Variants in AQR observed in about 807,000 individuals in gnomAD.
The protein encoded by AQR is aquarius intron-binding spliceosomal factor, also known as RNA helicase aquarius.
In AQR, 61 loss-of-function variants were observed where a neutral mutation model predicts 180.5. The ratio of observed to expected loss-of-function variants is 0.34; its 90% confidence interval spans 0.28 to 0.42. AQR has a LOEUF of 0.42. Ranked by LOEUF, AQR falls within the 10% of genes least tolerant of loss-of-function variation. The pLI is 1.00. For synonymous variants in AQR, 551 were observed against 588.8 expected, an observed-to-expected ratio of 0.94 and a Z score of 0.93; for missense variants, 1,281 against 1,798.3, an observed-to-expected ratio of 0.71 and a Z score of 5.20.
Position 34,856,713 on chromosome 15 carries a change from A to G in AQR, c.*79T>C, listed in dbSNP as rs997741313. On this transcript the variant is annotated 3_prime_UTR_variant, in exon 35 of 35. Transcript: ENST00000156471. ...TAATTAGTGACAGTAAAATGGCAGAAGCAAATATAAAATACAAAAAACAGC... is the reference window on the plus strand; with the variant it reads ...TAATTAGTGACAGTAAAATGGCAGAGGCAAATATAAAATACAAAAAACAGC... 1.6e-6 allele frequency: 2 copies of G among 1,237,858 alleles called. No homozygotes were observed. Among genetic ancestry groups the G allele is most frequent in the Non-Finnish European group, 1.1e-6 (1 of 918,008 alleles). The allele number at this position is 1,237,858 out of a possible 1,614,324, so 76.7% of individuals were successfully genotyped here.
intron 1 of AQR, among the ~76,000 whole-genome samples, chr15:34,966,555 T>C (rs1223257296): frequency 6.6e-6 from 1 of 152,232 alleles, no homozygotes; most frequent in East Asian, 1.9e-4. Flanking sequence ...TACAGTGAGT[T>C]CTTTAAGTCT....
chr15:34,917,994 C>CA (rs1169997577), intron 15 of AQR, among the ~76,000 whole-genome samples: 1 of 151,098 alleles, frequency 6.6e-6, no homozygotes, highest in Non-Finnish European at 1.5e-5. Context: ...CACTAACAAA[C>CA]AAAAAAAACC....
intron 23 of AQR, among the ~76,000 whole-genome samples, chr15:34,892,273 T>C (rs1373188490): frequency 6.6e-6 from 1 of 152,194 alleles, no homozygotes; most frequent in Non-Finnish European, 1.5e-5. Context: ...TCCCTTCATG[T>C]AATACAGGTG....
At chr15:34,932,684 G>A (rs1370347060) in intron 10 of AQR, among the ~76,000 whole-genome samples, 2 of 152,204 alleles carry the variant, frequency 1.3e-5, no homozygotes, top group Non-Finnish European at 2.9e-5. Flanking sequence ...TAAAGGCCGG[G>A]CGCGGTGGCT....
At chr15:34,946,587 T>A (rs1595806983) in intron 5 of AQR, among the ~76,000 whole-genome samples, 1 of 128,838 alleles carries the variant, frequency 7.8e-6, no homozygotes. Flanking sequence ...GTGGGGGGGG[T>A]CAGCCCCCAG....
intron 30 of AQR, among the ~76,000 whole-genome samples, chr15:34,871,600 T>A (rs1011419194): frequency 2.0e-5 from 3 of 150,356 alleles, no homozygotes; most frequent in Non-Finnish European, 4.4e-5. Context: ...AAGAAGCCAA[T>A]ACAATACCCA....
chr15:34,872,718 C>T (rs1276906833), intron 30 of AQR, among the ~76,000 whole-genome samples: 3 of 152,016 alleles, frequency 2.0e-5, no homozygotes, highest in African/African-American at 7.2e-5. Flanking sequence ...TTTGGAGGGA[C>T]AATAAGATCT....
At chr15:34,857,202 T>A in intron 34 of AQR, 96 bp from the exon 35 acceptor site, 1 of 1,204,400 alleles carries the variant, frequency 8.3e-7, no homozygotes, top group Non-Finnish European at 1.1e-6. Flanking sequence ...TCCAAAACAG[T>A]GCTGACCATT....
Position 34,890,315 on chromosome 15 carries a change from G to C in AQR, c.2581C>G (p.Gln861Glu), listed in dbSNP as rs1352573282. 6.2e-7 allele frequency: 1 copy of C among 1,613,172 alleles called. No homozygotes were observed. Among genetic ancestry groups the C allele is most frequent in the Non-Finnish European group, 8.5e-7 (1 of 1,179,672 alleles). ...IVTHSNQALN[Q>E]LFEKIMALDI... ...AATGCCATGATTTTCTCAAACAACT[G>C]GTTTAGGGCCTAGACAATAAAGCAA... is the stretch of plus-strand genomic sequence containing the variant. Residue 861 changes from glutamine (Q) to glutamate (E), a missense_variant, in exon 24 of 35, where the codon CAG (glutamine) becomes GAG (glutamate). By Grantham distance (29) the Gln-to-Glu change is conservative. Around this residue, in one of 9 missense-constraint regions of AQR, gnomAD observed 31 missense variants for 95.5 expected, o/e 0.32. Coordinates refer to ENST00000156471, the MANE Select transcript of AQR (RefSeq NM_014691.3).
intron 9 of AQR, 75 bp downstream of exon 9, chr15:34,938,662 G>A: frequency 1.1e-6 from 1 of 933,300 alleles, no homozygotes; most frequent in South Asian, 1.5e-5. Context: ...ACAGTTTTTA[G>A]ATTAGAGATG....
intron 6 of AQR, among the ~76,000 whole-genome samples, chr15:34,942,771 G>A (rs1326912669): frequency 6.6e-6 from 1 of 152,150 alleles, no homozygotes; most frequent in Non-Finnish European, 1.5e-5. Context: ...AGGCTTGCAG[G>A]AACCTAACCC....
intron 4 of AQR, among the ~76,000 whole-genome samples, chr15:34,950,113 T>C (rs1156357634): frequency 8.6e-6 from 1 of 116,144 alleles, no homozygotes; most frequent in Non-Finnish European, 1.7e-5. Context: ...TTTTTTGAGA[T>C]GGAGTCTCAC....
intron 17 of AQR, among the ~76,000 whole-genome samples, chr15:34,908,265 G>A (rs1171395612): frequency 6.6e-6 from 1 of 152,010 alleles, no homozygotes; most frequent in Non-Finnish European, 1.5e-5. Context: ...GTGAAACCCC[G>A]TCTCTACTAA....
At chr15:34,930,904 T>G (rs1471632945) in intron 11 of AQR, among the ~76,000 whole-genome samples, 1 of 147,672 alleles carries the variant, frequency 6.8e-6, no homozygotes, top group Non-Finnish European at 1.5e-5. Flanking sequence ...TGGTGCGATC[T>G]CGGCTCACTG....
At chr15:34,897,515 A>C (rs755985725) in intron 21 of AQR, 44 bp downstream of exon 21, 15 of 1,601,660 alleles carry the variant, frequency 9.4e-6, no homozygotes, top group African/African-American at 2.7e-5. Flanking sequence ...TTGAAATGGC[A>C]AACTATTGTT....
intron 5 of AQR, 134 bp from the exon 6 acceptor site, chr15:34,944,562 A>C: frequency 1.1e-6 from 1 of 870,370 alleles, no homozygotes; most frequent in Non-Finnish European, 1.6e-6. Context: ...TATGTATAAA[A>C]GAAGCATCAC....
At chr15:34,953,355 G>A (rs980190548) in intron 3 of AQR, among the ~76,000 whole-genome samples, 3 of 151,950 alleles carry the variant, frequency 2.0e-5, no homozygotes, top group African/African-American at 7.3e-5. Flanking sequence ...ACATACTTAC[G>A]CTGTCCCGAA....
intron 27 of AQR, among the ~76,000 whole-genome samples, chr15:34,880,859 G>A (rs1366084634): frequency 6.6e-6 from 1 of 152,158 alleles, no homozygotes; most frequent in Non-Finnish European, 1.5e-5. Context: ...TCGAAGGACT[G>A]GATAAATGGG....
chr15:34,859,429 A>G lies in AQR; in HGVS notation c.4143+613T>C, dbSNP rs572906996. ...AGGGTGAGGATGTGTAGCAACTAGA[A>G]CTCTCACACTGCTGCTGAGAGTGTA... is the stretch of plus-strand genomic sequence containing the variant. On this transcript the variant is annotated intron_variant, in intron 34 of 34. Coordinates refer to ENST00000156471, the MANE Select transcript of AQR (RefSeq NM_014691.3). Among the ~76,000 whole-genome samples, 16 of 152,204 alleles carry G rather than the reference A, an allele frequency of 1.1e-4. 1 individual carries two copies. The South Asian group carries it at 3.3e-3, about 32-fold the overall frequency.
Sources: gnomAD v4.1 joint callset for allele counts (sites outside exome capture counted in the v4.1 genomes callset) on GRCh38, gnomAD v4.1.1 for gene constraint, gnomAD v4.1.1 regional missense constraint, MANE v1.5 for transcripts, NCBI Gene and HGNC (gene_info 2026-07-23, HGNC 2026-07-21) for gene names.